ABCD3: variants seen among roughly 807,000 people sequenced by gnomAD.
ABCD3 encodes ATP-binding cassette sub-family D member 3.
A neutral mutation model predicts 105.5 loss-of-function variants in ABCD3; 41 were observed. The observed-to-expected ratio is 0.39, with a 90% CI of 0.30 to 0.50. The LOEUF (loss-of-function observed/expected upper bound fraction) is 0.50, where lower values mean the gene tolerates loss of function less well. Among genes scored for constraint, ABCD3 ranks in the 20% least tolerant of loss-of-function variants. The pLI, the probability that ABCD3 is intolerant of heterozygous loss-of-function variation, is 0.84. For synonymous variants in ABCD3, 258 were observed against 269.0 expected (o/e 0.96, Z 0.40); for missense variants, 622 against 806.3 (o/e 0.77, Z 2.77).
rs146427496 is a variant in ABCD3, at chr1:94,506,632, A to G, written c.1835A>G (p.His612Arg). ...GACGTGGAAGGCTACATTTATAGTC[A>G]TTGTCGAAAGGTAAGTACGCAGGTG... ...SVDVEGYIYS[H>R]CRKVGITLFT... The change falls in exon 21 of 23, where the codon CAT becomes CGT. Residue 612 changes from histidine to arginine, a missense_variant. Around this residue, in one of 4 missense-constraint regions of ABCD3, gnomAD observed 285 missense variants for 352.5 expected, o/e 0.81. Transcript: ENST00000370214. 1.2e-5 allele frequency: 20 copies of G among 1,611,974 alleles called. No individual in the cohort carries two copies. The highest frequency in any genetic ancestry group is 3.3e-5 in the South Asian group (3 of 91,068).
At chr1:94,469,516 A>T (rs1570785733) in intron 4 of ABCD3, among the ~76,000 whole-genome samples, 4 of 134,680 alleles carry the variant, frequency 3.0e-5, no homozygotes, top group African/African-American at 5.6e-5. Context: ...TTTTAAACCT[A>T]CTTCCCCCTA....
At chr1:94,422,802 C>G (rs1053458080) in intron 1 of ABCD3, among the ~76,000 whole-genome samples, 1 of 152,124 alleles carries the variant, frequency 6.6e-6, no homozygotes, top group African/African-American at 2.4e-5. Flanking sequence ...ATAACCTGAC[C>G]TGGGTAGTGG....
chr1:94,455,050 G>A (rs1023599470), intron 1 of ABCD3, among the ~76,000 whole-genome samples: 3 of 152,172 alleles, frequency 2.0e-5, no homozygotes, highest in African/African-American at 7.2e-5. Context: ...TGACTACCAT[G>A]CTATACAGAT....
At chr1:94,397,791 T>G in the ABCD3 span, among the ~76,000 whole-genome samples, 1 of 152,176 alleles carries the variant, frequency 6.6e-6, no homozygotes, top group African/African-American at 2.4e-5. Flanking sequence ...GGGAGGAATA[T>G]CAAAGAATTT....
chr1:94,485,446 C>A (rs1649235749), intron 10 of ABCD3, among the ~76,000 whole-genome samples: 1 of 152,048 alleles, frequency 6.6e-6, no homozygotes, highest in African/African-American at 2.4e-5. Context: ...TGGATTTTTG[C>A]CTCGTCGGTA....
chr1:94,516,955 C>T (rs1372349368), intron 22 of ABCD3, 97 bp from the exon 23 acceptor site: 1 of 893,798 alleles, frequency 1.1e-6, no homozygotes, highest in Admixed American at 1.7e-5. Flanking sequence ...ATTTAGCTCC[C>T]TTAAAATAAT....
chr1:94,475,328 T>C, intron 6 of ABCD3, 88 bp downstream of exon 6: 1 of 1,006,760 alleles, frequency 9.9e-7, no homozygotes, highest in East Asian at 2.7e-5. Flanking sequence ...TCTTATTTAT[T>C]GTATGTTTTC....
intron 21 of ABCD3, among the ~76,000 whole-genome samples, chr1:94,509,562 G>A (rs1650551865): frequency 6.6e-6 from 1 of 152,192 alleles, no homozygotes; most frequent in African/African-American, 2.4e-5. Flanking sequence ...CCGAAGGAAT[G>A]GTACCAGTTC....
At chr1:94,497,541 ATACT>A (rs1649882028) in intron 16 of ABCD3, among the ~76,000 whole-genome samples, 1 of 152,250 alleles carries the variant, frequency 6.6e-6, no homozygotes, top group African/African-American at 2.4e-5. Context: ...AGTTGATCAG[ATACT>A]TACAAGATCA....
At position 94,489,781 on chromosome 1, in the gene ABCD3, A is replaced by C; in HGVS notation, c.1214A>C (p.Lys405Thr). 1.2e-6 allele frequency: 2 copies of C among 1,613,344 alleles called. No individual in the cohort carries two copies. The highest frequency in any genetic ancestry group is 8.5e-7 in the Non-Finnish European group (1 of 1,179,512). ...GTACTGAAGGATTTAAATCATGGCA[A>C]ATATGAGCGCACAATGGTCTCACAA... Reference protein sequence around the residue: ...MQVLKDLNHGKYERTMVSQQE... With the variant: ...MQVLKDLNHGTYERTMVSQQE... The change falls in exon 14 of 23, where the codon AAA becomes ACA. Residue 405 changes from lysine (K) to threonine (T), a missense_variant. This residue lies in a region of ABCD3 where 285 missense variants were observed against 352.5 expected (regional missense o/e 0.81). Coordinates refer to ENST00000370214, the MANE Select transcript of ABCD3 (RefSeq NM_002858.4).
the ABCD3 span, among the ~76,000 whole-genome samples, chr1:94,412,773 G>A: frequency 6.6e-6 from 1 of 152,118 alleles, no homozygotes; most frequent in African/African-American, 2.4e-5. Context: ...CCACACTTTG[G>A]GGTCTTTGCC....
At chr1:94,403,984 A>G in the ABCD3 span, among the ~76,000 whole-genome samples, 1 of 152,326 alleles carries the variant, frequency 6.6e-6, no homozygotes, top group East Asian at 1.9e-4. Context: ...GTAAATGTAT[A>G]CACACTAGTA....
At chr1:94,385,315 A>G in the ABCD3 span, among the ~76,000 whole-genome samples, 3 of 152,192 alleles carry the variant, frequency 2.0e-5, no homozygotes, top group Non-Finnish European at 4.4e-5. Context: ...GAGCAAATAA[A>G]ATACACTTGT....
At chr1:94,386,146 C>T in the ABCD3 span, among the ~76,000 whole-genome samples, 1 of 152,106 alleles carries the variant, frequency 6.6e-6, no homozygotes, top group Non-Finnish European at 1.5e-5. Context: ...GCCACATTTC[C>T]CTTCAAAGCA....
the ABCD3 span, among the ~76,000 whole-genome samples, chr1:94,394,910 G>T: frequency 3.9e-5 from 6 of 152,116 alleles, no homozygotes; most frequent in African/African-American, 7.2e-5. Context: ...TGTCTATCTT[G>T]TTTCTATAGG....
intron 5 of ABCD3, 58 bp downstream of exon 5, chr1:94,473,893 C>A: frequency 7.4e-7 from 1 of 1,354,818 alleles, no homozygotes; most frequent in African/African-American, 1.5e-5. Context: ...TTATTAAAAT[C>A]TTTAAGGGTT....
At position 94,516,757 on chromosome 1, in the gene ABCD3, C is replaced by G. The variant is rs150823191; in HGVS notation, c.1903-295C>G. Among the ~76,000 whole-genome samples, 134 of 151,910 alleles carry G rather than the reference C, an allele frequency of 8.8e-4. 1 individual carries two copies. Among genetic ancestry groups the G allele is most frequent in the African/African-American group, 3.1e-3 (127 of 41,496 alleles). The stretch of plus-strand genomic sequence containing the variant: ...CAGTTTTTATAGCTCTTTTTCCCCT[C>G]TACTAAATTAAAAACAAATAAAAAG... On this transcript the variant is annotated intron_variant, in intron 22 of 22. Coordinates refer to ENST00000370214, the MANE Select transcript of ABCD3 (RefSeq NM_002858.4).
chr1:94,458,767 T>A (rs1053641658), intron 2 of ABCD3, 124 bp downstream of exon 2: 24 of 913,462 alleles, frequency 2.6e-5, no homozygotes, highest in Non-Finnish European at 4.0e-5. Flanking sequence ...TCCAGTCTTC[T>A]ACACATTACA....
intron 5 of ABCD3, 133 bp from the exon 6 acceptor site, chr1:94,475,010 C>A (rs1345533263): frequency 3.1e-6 from 2 of 641,176 alleles, no homozygotes; most frequent in Non-Finnish European, 2.8e-6. Flanking sequence ...TAAAACAGAA[C>A]TGAATTATAT....
Sources: allele counts gnomAD v4.1 joint callset (sites outside exome capture counted in the v4.1 genomes callset), GRCh38; gene constraint gnomAD v4.1.1; regional missense constraint gnomAD v4.1.1; transcripts MANE v1.5; gene names NCBI Gene and HGNC (gene_info 2026-07-23, HGNC 2026-07-21).